The following AOAH variants were observed in gnomAD, a reference collection of about 807,000 sequenced individuals.
AOAH encodes the protein acyloxyacyl hydrolase, also known as acyloxyacyl hydrolase (neutrophil).
AOAH carries 64 observed loss-of-function variants against 92.2 expected under a neutral mutation model. The ratio of observed to expected loss-of-function variants is 0.69; its 90% CI spans 0.57 to 0.86. AOAH has a LOEUF of 0.86. AOAH is among the 40% of genes least tolerant of loss of function. AOAH has a pLI of 0.00. For synonymous variants in AOAH, 263 were observed against 254.5 expected (o/e 1.03, Z -0.32); for missense variants, 656 against 694.6 (o/e 0.94, Z 0.62).
chr7:36,703,286 T>A (rs1159738332), intron 1 of AOAH, among the ~76,000 whole-genome samples: 1 of 152,174 alleles, frequency 6.6e-6, no homozygotes, highest in East Asian at 1.9e-4. Flanking sequence ...ATGTTCTTCA[T>A]GGCATCTAAA....
rs547657733 is a variant in AOAH, at chr7:36,539,004, A to C, written c.1306+1315T>G. Among the ~76,000 whole-genome samples, 3 of 152,316 alleles carry C rather than the reference A, an allele frequency of 2.0e-5. No individual in the cohort carries two copies. In the East Asian group the frequency reaches 5.8e-4, roughly 29 times the overall value. On this transcript the variant is annotated intron_variant, in intron 16 of 20. Coordinates refer to ENST00000617537, the MANE Select transcript of AOAH (RefSeq NM_001637.4). ...GCTAAAGGACCCTTACTCTTTTCCC[A>C]GGTGGGGAGAGGCGGAATTTCCTGA...
At chr7:36,557,583 C>T (rs1329441509) in intron 13 of AOAH, among the ~76,000 whole-genome samples, 1 of 152,190 alleles carries the variant, frequency 6.6e-6, no homozygotes, top group African/African-American at 2.4e-5. Context: ...AGAGTGTTTT[C>T]CAACTTGGTT....
At chr7:36,546,949 A>G (rs1014758213) in intron 15 of AOAH, among the ~76,000 whole-genome samples, 15 of 152,218 alleles carry the variant, frequency 9.9e-5, no homozygotes, top group African/African-American at 3.6e-4. Flanking sequence ...AATGAGTCAA[A>G]GAAAGGAAAT....
chr7:36,548,451 G>T (rs892282456), intron 15 of AOAH, among the ~76,000 whole-genome samples, 161 bp downstream of exon 15: 2 of 152,178 alleles, frequency 1.3e-5, no homozygotes, highest in Non-Finnish European at 2.9e-5. Flanking sequence ...CTCCCAAAGT[G>T]CTGGGATTAT....
At chr7:36,622,918 T>C (rs1022830070) in intron 7 of AOAH, among the ~76,000 whole-genome samples, 2 of 152,128 alleles carry the variant, frequency 1.3e-5, no homozygotes, top group African/African-American at 4.8e-5. Flanking sequence ...TGGTGGTGCA[T>C]GCCTGTAATC....
chr7:36,574,735 T>C (rs1353143495), intron 13 of AOAH, among the ~76,000 whole-genome samples: 1 of 152,052 alleles, frequency 6.6e-6, no homozygotes, highest in Admixed American at 6.5e-5. Context: ...AGGTTATTTC[T>C]GTATACAAAT....
intron 11 of AOAH, among the ~76,000 whole-genome samples, chr7:36,616,091 A>C (rs1791858449): frequency 6.6e-6 from 1 of 152,186 alleles, no homozygotes; most frequent in Non-Finnish European, 1.5e-5. Context: ...TCCACGGGGA[A>C]GCCGGCCCGG....
intron 3 of AOAH, among the ~76,000 whole-genome samples, chr7:36,669,411 C>A (rs1346279216): frequency 8.8e-6 from 1 of 113,670 alleles, no homozygotes; most frequent in Non-Finnish European, 1.7e-5. Flanking sequence ...TAAATGGAGT[C>A]TTTCTCTGTT....
chr7:36,633,464 C>T (rs959156948), intron 5 of AOAH, among the ~76,000 whole-genome samples: 6 of 152,318 alleles, frequency 3.9e-5, no homozygotes, highest in South Asian at 4.1e-4. Context: ...ATTTTAACAA[C>T]GTCCCCAGGA....
At chr7:36,660,570 G>A (rs935973102) in intron 3 of AOAH, among the ~76,000 whole-genome samples, 10 of 152,272 alleles carry the variant, frequency 6.6e-5, no homozygotes, top group Middle Eastern at 3.4e-3. Context: ...ACCCACCTCG[G>A]CCTCCCAAAG....
intron 12 of AOAH, among the ~76,000 whole-genome samples, chr7:36,577,440 G>A (rs1317308048): frequency 6.6e-6 from 1 of 152,150 alleles, no homozygotes; most frequent in Non-Finnish European, 1.5e-5. Flanking sequence ...TGAGAACTGG[G>A]TGGAGTTGAG....
Position 36,576,613 on chromosome 7 carries a change from G to A in AOAH, c.982C>T (p.His328Tyr). ...SIYLRLWKRN[H>Y]CNHRDYQNIS... is the part of the protein sequence containing the mutation. ...TTCTGGTAGTCCCTGTGATTACAGTGGTTTCTTTTCCATAAGCGAAGGTAA... is the reference window on the plus strand; with the variant it reads ...TTCTGGTAGTCCCTGTGATTACAGTAGTTTCTTTTCCATAAGCGAAGGTAA... Residue 328 changes from histidine to tyrosine, a missense_variant, in exon 13 of 21, where the codon CAC (histidine) becomes TAC (tyrosine). His to Tyr is a moderately conservative substitution (Grantham distance 83). Transcript: ENST00000617537. 6.3e-7 allele frequency: 1 copy of A among 1,580,942 alleles called. No homozygotes were observed. Among genetic ancestry groups the A allele is most frequent in the Non-Finnish European group, 8.6e-7 (1 of 1,159,318 alleles).
chr7:36,711,156 G>A (rs972189848), intron 1 of AOAH, among the ~76,000 whole-genome samples: 3 of 152,124 alleles, frequency 2.0e-5, no homozygotes, highest in African/African-American at 7.2e-5. Context: ...CACTAGTAAT[G>A]TCTTCATTTA....
At chr7:36,566,970 G>T (rs1787758268) in intron 13 of AOAH, among the ~76,000 whole-genome samples, 1 of 152,060 alleles carries the variant, frequency 6.6e-6, no homozygotes, top group Non-Finnish European at 1.5e-5. Context: ...CACCAAGCCT[G>T]TCTAATTTTT....
At chr7:36,664,040 T>G (rs1043644617) in intron 3 of AOAH, among the ~76,000 whole-genome samples, 1 of 66,452 alleles carries the variant, frequency 1.5e-5, no homozygotes, top group African/African-American at 9.4e-5. Context: ...TCGTTAATTT[T>G]AGGTTCATTT....
chr7:36,618,330 C>A lies in AOAH; in HGVS notation c.718G>T (p.Asp240Tyr), dbSNP rs768074623. 1.7e-5 allele frequency: 27 copies of A among 1,613,970 alleles called. No homozygotes were observed. Among genetic ancestry groups the A allele is most frequent in the Non-Finnish European group, 2.1e-5 (25 of 1,179,966 alleles). ...AATTTCTTCTCATATGGAACTCCAT[C>A]TTTTGGATCGACACCCTTTAAAAAA... ...CNGIWGVDPKDGVPYEKKFCE... is the reference protein window; with the variant it reads ...CNGIWGVDPKYGVPYEKKFCE... Residue 240 changes from aspartate (D) to tyrosine (Y), a missense_variant, in exon 10 of 21, where the codon GAT (aspartate) becomes TAT (tyrosine). By Grantham distance (160) the Asp-to-Tyr change is radical (BLOSUM62 -3). Transcript: ENST00000617537.
intron 11 of AOAH, among the ~76,000 whole-genome samples, chr7:36,608,198 G>A (rs568766704): frequency 1.8e-4 from 28 of 152,200 alleles, no homozygotes; most frequent in Non-Finnish European, 3.8e-4. Flanking sequence ...CTCAGTCTCT[G>A]CAGACCCCTA....
At chr7:36,606,667 C>G (rs573907644) in intron 11 of AOAH, among the ~76,000 whole-genome samples, 2 of 152,308 alleles carry the variant, frequency 1.3e-5, no homozygotes, top group African/African-American at 2.4e-5. Flanking sequence ...AGCAGGAGGG[C>G]AGCATCCCTT....
intron 2 of AOAH, among the ~76,000 whole-genome samples, chr7:36,678,550 A>AGTGT (rs529261307): frequency 0.044 from 5,270 of 118,706 alleles, 179 homozygotes; most frequent in Non-Finnish European, 0.06. Context: ...TAAGATAAGC[A>AGTGT]GTGTGTGTGT....
Sources: gnomAD v4.1 joint callset for allele counts (sites outside exome capture counted in the v4.1 genomes callset) on GRCh38, gnomAD v4.1.1 for gene constraint, MANE v1.5 for transcripts, NCBI Gene and HGNC (gene_info 2026-07-23, HGNC 2026-07-21) for gene names.